Variants in ARHGAP8 observed in about 807,000 individuals in gnomAD.
ARHGAP8 encodes the protein rho GTPase-activating protein 8.
ARHGAP8 carries 62 observed loss-of-function variants against 46.1 expected under a neutral mutation model. That is an observed-to-expected ratio of 1.34 (90% CI 1.10 to 1.66). ARHGAP8 has a LOEUF of 1.66. Ranked by LOEUF, ARHGAP8 falls within the 40% of genes most tolerant of loss-of-function variation. The pLI, the probability that ARHGAP8 is intolerant of heterozygous loss-of-function variation, is 0.00. For synonymous variants in ARHGAP8, 375 were observed against 243.1 expected (o/e 1.54, Z -5.05); for missense variants, 923 against 568.4 (o/e 1.62, Z -6.34).
At chr22:44,808,512 G>A (rs1929094590) in intron 4 of ARHGAP8, 74 bp downstream of exon 4, 2 of 1,576,062 alleles carry the variant, frequency 1.3e-6, no homozygotes, top group Non-Finnish European at 1.7e-6. Context: ...GGCCACAAGG[G>A]GTCGCAGAGT....
chr22:44,862,398 T>C lies in ARHGAP8; in HGVS notation c.1105T>C (p.Phe369Leu). 1.2e-6 allele frequency: 2 copies of C among 1,614,110 alleles called. No homozygotes were observed. The highest frequency in any genetic ancestry group is 1.7e-6 in the Non-Finnish European group (2 of 1,180,000). The change falls in exon 12 of 12, where the codon TTC (phenylalanine) becomes CTC (leucine). Residue 369 changes from phenylalanine (F) to leucine (L), a missense_variant. Coordinates refer to ENST00000356099, the MANE Select transcript of ARHGAP8 (RefSeq NM_181335.3). Reference protein sequence around the residue: ...SLSALVPLNMFTELLIEYYEK... With the variant: ...SLSALVPLNMLTELLIEYYEK... ...GAGTGCCCTTGTGCCCCTGAACATG[T>C]TCACTGAACTGCTGATCGAGTACTA...
At chr22:44,776,751 G>C (rs532941272) in intron 1 of ARHGAP8, among the ~76,000 whole-genome samples, 2 of 152,274 alleles carry the variant, frequency 1.3e-5, no homozygotes, top group South Asian at 4.1e-4. Flanking sequence ...AGCGGGTGGC[G>C]TCAGAGCAGA....
chr22:44,781,544 A>C lies in ARHGAP8; in HGVS notation c.-71-4913A>C, dbSNP rs1339041248. On this transcript the variant is annotated intron_variant, in intron 1 of 11. Coordinates refer to ENST00000356099, the MANE Select transcript of ARHGAP8 (RefSeq NM_181335.3). ...TTTTAAATGTTTATTTATTTTTGAG[A>C]CAGAGTTTCACTCTTGTTGCCCAAG... Among the ~76,000 whole-genome samples, 8 of 152,016 alleles carry C rather than the reference A, an allele frequency of 5.3e-5. 1 individual carries two copies. The highest frequency in any genetic ancestry group is 5.2e-4 in the Admixed American group (8 of 15,264).
chr22:44,787,172 C>G (rs1927320088), intron 2 of ARHGAP8, among the ~76,000 whole-genome samples: 1 of 152,108 alleles, frequency 6.6e-6, no homozygotes, highest in African/African-American at 2.4e-5. Flanking sequence ...TCCTGCTAGG[C>G]TTTAAAGAGC....
At position 44,856,948 on chromosome 22, in the gene ARHGAP8, T is replaced by C. The variant is rs533516399; in HGVS notation, c.878-2783T>C. Among the ~76,000 whole-genome samples the C allele has an allele frequency of 2.8e-5, 4 of 143,352 alleles. 2 individuals carry two copies. Among genetic ancestry groups the C allele is most frequent in the African/African-American group, 1.1e-4 (4 of 35,712 alleles). The allele number at this position is 143,352 out of a possible 152,430, so 94.0% of individuals were successfully genotyped here. ...AGGCTGACTTGAGTAAGAATTCTTT[T>C]TTTTTTTTTGAGACGGAGTTTTGCT... On this transcript the variant is annotated intron_variant, in intron 10 of 11. Transcript: ENST00000356099.
chr22:44,785,499 C>T (rs1927151553), intron 1 of ARHGAP8, among the ~76,000 whole-genome samples: 2 of 152,124 alleles, frequency 1.3e-5, no homozygotes, highest in South Asian at 4.1e-4. Context: ...CACACCCTCC[C>T]CTTGTATCTC....
intron 10 of ARHGAP8, among the ~76,000 whole-genome samples, chr22:44,852,181 G>A (rs1213149113): frequency 6.1e-5 from 6 of 97,636 alleles, no homozygotes; most frequent in African/African-American, 2.4e-4. Flanking sequence ...GACAGAGTGA[G>A]ACTTTGTCAA....
intron 10 of ARHGAP8, among the ~76,000 whole-genome samples, chr22:44,858,245 G>A (rs2070293928): frequency 6.6e-6 from 1 of 152,230 alleles, no homozygotes; most frequent in African/African-American, 2.4e-5. Context: ...AGGGTGATTG[G>A]TGTGTTGGAG....
intron 1 of ARHGAP8, among the ~76,000 whole-genome samples, chr22:44,766,443 CAT>C (rs1009323036): frequency 9.2e-5 from 14 of 151,388 alleles, no homozygotes; most frequent in Admixed American, 4.6e-4. Context: ...TGTCTTTGTG[CAT>C]ATGTGTGTCT....
intron 7 of ARHGAP8, among the ~76,000 whole-genome samples, chr22:44,843,824 C>CAAA (rs56308320): frequency 1.8e-4 from 17 of 93,042 alleles, no homozygotes; most frequent in South Asian, 3.8e-4. Flanking sequence ...GACCTTGTCT[C>CAAA]AAAAAAAAAA....
At chr22:44,782,188 T>A (rs921356213) in intron 1 of ARHGAP8, among the ~76,000 whole-genome samples, 5 of 151,814 alleles carry the variant, frequency 3.3e-5, no homozygotes, top group Non-Finnish European at 7.4e-5. Flanking sequence ...TACAAAAAAA[T>A]TAGCTTGGCA....
At chr22:44,813,383 C>CTAGA (rs112374655) in intron 4 of ARHGAP8, among the ~76,000 whole-genome samples, 1 of 143,728 alleles carries the variant, frequency 7.0e-6, no homozygotes, top group African/African-American at 2.7e-5. Flanking sequence ...ACATACCCAC[C>CTAGA]TACAGTACAT....
Position 44,862,663 on chromosome 22 carries a change from A to G in ARHGAP8, c.*68A>G, listed in dbSNP as rs2070560182. 12 of 1,484,690 alleles carry G rather than the reference A, an allele frequency of 8.1e-6. No homozygotes were observed. In the South Asian group the frequency reaches 8.4e-5, roughly 10 times the overall value. The allele number at this position is 1,484,690 out of a possible 1,614,324, so 92.0% of individuals were successfully genotyped here. A position where few individuals can be genotyped will look rare whatever the true frequency, so the allele number is the denominator to read the frequency against. ...GTCTGTGCACTTGTATGTTTTGTAAACTTGGCATCTGTAAAAATAACCAGC... is the reference window on the plus strand; with the variant it reads ...GTCTGTGCACTTGTATGTTTTGTAAGCTTGGCATCTGTAAAAATAACCAGC... On this transcript the variant is annotated 3_prime_UTR_variant, in exon 12 of 12. Transcript: ENST00000356099.
At chr22:44,814,386 G>C (rs1206684212) in intron 4 of ARHGAP8, among the ~76,000 whole-genome samples, 4 of 152,192 alleles carry the variant, frequency 2.6e-5, no homozygotes, top group Non-Finnish European at 5.9e-5. Context: ...ATGTGCTCCA[G>C]CCACCCCCGA....
intron 1 of ARHGAP8, among the ~76,000 whole-genome samples, chr22:44,754,924 G>C (rs1358536183): frequency 1.3e-5 from 2 of 152,144 alleles, no homozygotes; most frequent in African/African-American, 4.8e-5. Context: ...GGCAGCATGA[G>C]GGTGAGAAAG....
intron 2 of ARHGAP8, among the ~76,000 whole-genome samples, chr22:44,799,797 G>A (rs1343332707): frequency 7.2e-6 from 1 of 139,814 alleles, no homozygotes; most frequent in East Asian, 2.2e-4. Flanking sequence ...GCCGTGGAGT[G>A]AGAAAGTGCT....
At chr22:44,757,001 G>A (rs1019218654) in intron 1 of ARHGAP8, among the ~76,000 whole-genome samples, 30 of 152,020 alleles carry the variant, frequency 2.0e-4, no homozygotes, top group African/African-American at 7.0e-4. Context: ...CTGCGGCCTC[G>A]AACTCCTGGG....
Position 44,822,156 on chromosome 22 carries a change from G to A in ARHGAP8, c.387-215G>A, listed in dbSNP as rs551128206. Among the ~76,000 whole-genome samples, 9 of 152,310 alleles carry A rather than the reference G, an allele frequency of 5.9e-5. No individual in the cohort carries two copies. The South Asian group carries it at 6.2e-4, about 11-fold the overall frequency. On this transcript the variant is annotated intron_variant, in intron 5 of 11. Coordinates refer to ENST00000356099, the MANE Select transcript of ARHGAP8 (RefSeq NM_181335.3). The stretch of plus-strand genomic sequence containing the variant: ...TTTTATGCAGATGAGCCACTCCAGC[G>A]TGTTTGGTGCATTGGAGATCTCGTG...
chr22:44,778,094 T>C (rs1410764814), intron 1 of ARHGAP8, among the ~76,000 whole-genome samples: 2 of 151,962 alleles, frequency 1.3e-5, no homozygotes, highest in Non-Finnish European at 2.9e-5. Context: ...GTACGTTCTT[T>C]AGTGTTGATT....
Sources: allele counts gnomAD v4.1 joint callset (sites outside exome capture counted in the v4.1 genomes callset), GRCh38; gene constraint gnomAD v4.1.1; transcripts MANE v1.5; gene names NCBI Gene and HGNC (gene_info 2026-07-23, HGNC 2026-07-21).